Variants in SLC43A2 observed in about 807,000 individuals in gnomAD.
The protein encoded by SLC43A2 is large neutral amino acids transporter small subunit 4.
A neutral mutation model predicts 63.2 loss-of-function variants in SLC43A2; 38 were observed. The ratio of observed to expected loss-of-function variants is 0.60; its 90% CI spans 0.46 to 0.79. SLC43A2 has a LOEUF of 0.79. Among genes scored for constraint, SLC43A2 ranks in the 30% least tolerant of loss-of-function variants. SLC43A2 has a pLI of 0.00. For synonymous variants in SLC43A2, 322 were observed against 331.0 expected (o/e 0.97, Z 0.30); for missense variants, 644 against 756.2 (o/e 0.85, Z 1.74).
intron 4 of SLC43A2, among the ~76,000 whole-genome samples, chr17:1,614,443 A>C (rs1053837276): frequency 5.5e-5 from 8 of 146,258 alleles, no homozygotes; most frequent in African/African-American, 1.7e-4. Context: ...ACAACAACAA[A>C]AAAACAAACA....
intron 6 of SLC43A2, 25 bp from the exon 7 acceptor site, chr17:1,591,724 TGGGGGG>T: frequency 9.2e-6 from 2 of 218,404 alleles, no homozygotes; most frequent in Non-Finnish European, 1.9e-5. Flanking sequence ...GGGGACGGGG[TGGGGGG>T]GGGAGGGGGC....
At chr17:1,620,848 C>T (rs1216171345) in intron 2 of SLC43A2, among the ~76,000 whole-genome samples, 1 of 152,072 alleles carries the variant, frequency 6.6e-6, no homozygotes, top group East Asian at 1.9e-4. Context: ...GAGAGACAAA[C>T]AGATTAAGCA....
rs1426563637 is a variant in SLC43A2, at chr17:1,606,164, C to T, written c.501+7031G>A. On this transcript the variant is annotated intron_variant, in intron 5 of 13. Transcript: ENST00000301335. The surrounding 1 kb of genome is among the most constrained non-coding windows in gnomAD (Gnocchi z 4.7). ...GAGCTGGCCGGGGGCCACCGCGGGA[C>T]CCTCTCCTGGACCCTCCAGAGCTGG... Among the ~76,000 whole-genome samples, 1 of 151,572 alleles carries T rather than the reference C, an allele frequency of 6.6e-6. No homozygotes were observed. The highest frequency in any genetic ancestry group is 1.5e-5 in the Non-Finnish European group (1 of 67,998).
intron 9 of SLC43A2, among the ~76,000 whole-genome samples, chr17:1,587,983 C>T (rs1023788312): frequency 4.6e-5 from 7 of 152,192 alleles, no homozygotes; most frequent in African/African-American, 1.7e-4. Context: ...TTTCTCAATG[C>T]CTGCTTCTTC....
chr17:1,576,376 G>T (rs568316489), intron 13 of SLC43A2, among the ~76,000 whole-genome samples: 1 of 152,056 alleles, frequency 6.6e-6, no homozygotes, highest in Non-Finnish European at 1.5e-5. Flanking sequence ...GAGCCACCGC[G>T]CCCGGCCCAG....
At chr17:1,592,405 C>T (rs1260742877) in intron 6 of SLC43A2, among the ~76,000 whole-genome samples, 5 of 152,162 alleles carry the variant, frequency 3.3e-5, no homozygotes, top group African/African-American at 9.7e-5. Context: ...CCAACCTGGG[C>T]GACAGAGCAA....
intron 11 of SLC43A2, among the ~76,000 whole-genome samples, chr17:1,579,577 C>A (rs918299311): frequency 1.3e-5 from 2 of 152,094 alleles, no homozygotes; most frequent in African/African-American, 4.8e-5. Flanking sequence ...CAGTGGCTCA[C>A]ACCTGTAATC....
At chr17:1,576,139 A>G (rs1045197351) in intron 13 of SLC43A2, among the ~76,000 whole-genome samples, 9 of 134,320 alleles carry the variant, frequency 6.7e-5, no homozygotes, top group African/African-American at 2.3e-4. Context: ...GCTGGAGTGC[A>G]GTGGCGCAAT....
chr17:1,586,779 G>C (rs1456127827), intron 9 of SLC43A2, among the ~76,000 whole-genome samples: 1 of 152,198 alleles, frequency 6.6e-6, no homozygotes, highest in African/African-American at 2.4e-5. Flanking sequence ...AATGACAGTG[G>C]ATTTTCCAGG....
At chr17:1,576,263 T>G (rs1031591421) in intron 13 of SLC43A2, among the ~76,000 whole-genome samples, 6 of 152,016 alleles carry the variant, frequency 3.9e-5, no homozygotes, top group Non-Finnish European at 5.9e-5. Context: ...TTTGTATTTT[T>G]AGTAGAGACC....
At chr17:1,580,249 G>A (rs776578531) in intron 11 of SLC43A2, among the ~76,000 whole-genome samples, 4 of 152,302 alleles carry the variant, frequency 2.6e-5, no homozygotes, top group Admixed American at 1.3e-4. Flanking sequence ...GAAATACCAC[G>A]TGTCACTGTG....
intron 5 of SLC43A2, among the ~76,000 whole-genome samples, chr17:1,601,824 C>CA (rs1411490613): frequency 6.7e-6 from 1 of 148,222 alleles, no homozygotes; most frequent in Non-Finnish European, 1.5e-5. Flanking sequence ...CAAACCGATG[C>CA]AAAGCCACTA....
intron 1 of SLC43A2, chr17:1,628,278 CA>C (rs1386106281): frequency 6.1e-6 from 1 of 163,232 alleles, no homozygotes; most frequent in Admixed American, 6.4e-5. Context: ...CTGGGGCCAG[CA>C]TGGAACGCAG....
At chr17:1,620,649 T>G (rs1006336182) in intron 2 of SLC43A2, among the ~76,000 whole-genome samples, 10 of 151,378 alleles carry the variant, frequency 6.6e-5, no homozygotes. Flanking sequence ...GCCGGGGAGG[T>G]GAGCGGCTTC....
At chr17:1,581,872 C>G (rs1567611051) in intron 11 of SLC43A2, among the ~76,000 whole-genome samples, 1 of 150,480 alleles carries the variant, frequency 6.6e-6, no homozygotes, top group Admixed American at 6.6e-5. Context: ...GTGGCGCAAT[C>G]TCGGCTCACT....
intron 5 of SLC43A2, chr17:1,604,592 C>T (rs1462321019): frequency 2.6e-6 from 2 of 780,174 alleles, no homozygotes; most frequent in South Asian, 1.7e-5. Context: ...CGCTATTGTG[C>T]AGAACTCCTG....
At chr17:1,609,580 G>C (rs1284637255) in intron 5 of SLC43A2, among the ~76,000 whole-genome samples, 1 of 152,136 alleles carries the variant, frequency 6.6e-6, no homozygotes, top group Non-Finnish European at 1.5e-5. Flanking sequence ...AGGGCTGCCA[G>C]GAACTTATTT....
At chr17:1,624,718 C>A (rs1908500458) in intron 2 of SLC43A2, among the ~76,000 whole-genome samples, 1 of 151,834 alleles carries the variant, frequency 6.6e-6, no homozygotes, top group African/African-American at 2.4e-5. Context: ...TGGCGAGACC[C>A]TGTCTCTACA....
intron 9 of SLC43A2, among the ~76,000 whole-genome samples, chr17:1,589,031 G>T (rs1306705777): frequency 6.6e-6 from 1 of 152,238 alleles, no homozygotes; most frequent in African/African-American, 2.4e-5. Context: ...CTCGGCCGGA[G>T]CTAGGGCTAT....
Sources: gnomAD v4.1 joint callset for allele counts (sites outside exome capture counted in the v4.1 genomes callset) on GRCh38, gnomAD v4.1.1 for gene constraint, Gnocchi (gnomAD v3.1) non-coding constraint, MANE v1.5 for transcripts, NCBI Gene and HGNC (gene_info 2026-07-23, HGNC 2026-07-21) for gene names.